UTP20: variants seen among roughly 807,000 people sequenced by gnomAD.
UTP20 encodes UTP20 small subunit processome component.
A neutral mutation model predicts 329.5 loss-of-function variants in UTP20; 164 were observed. That is an observed-to-expected ratio of 0.50 (90% CI 0.44 to 0.57). UTP20 has a LOEUF of 0.57. Among genes scored for constraint, UTP20 ranks in the 20% least tolerant of loss-of-function variants. The pLI is 0.00. For missense variants in UTP20, 3,055 were observed against 3,284.2 expected (o/e 0.93, Z 1.71); for synonymous variants, 1,151 against 1,159.3 (o/e 0.99, Z 0.14).
At chr12:101,287,327 A>C (rs1240739816) in intron 5 of UTP20, among the ~76,000 whole-genome samples, 1 of 152,242 alleles carries the variant, frequency 6.6e-6, no homozygotes, top group Non-Finnish European at 1.5e-5. Flanking sequence ...TTTTGGTCAA[A>C]TATGTTAGAA....
intron 42 of UTP20, 56 bp downstream of exon 42, chr12:101,356,749 T>C: frequency 6.4e-7 from 1 of 1,565,638 alleles, no homozygotes; most frequent in Non-Finnish European, 8.6e-7. Flanking sequence ...GTTCTTTTCT[T>C]CCTTACTTTT....
At position 101,312,088 on chromosome 12, in the gene UTP20, T is replaced by G; in HGVS notation, c.2364T>G (p.Ser788Arg). The change falls in exon 21 of 62, where the codon AGT becomes AGG. Residue 788 changes from serine (S) to arginine (R), a missense_variant. By Grantham distance (110) the Ser-to-Arg change is moderately radical (BLOSUM62 -1). Coordinates refer to ENST00000261637, the MANE Select transcript of UTP20 (RefSeq NM_014503.3). ...ATGAGAAGTCCGTTGGAGATGAAAG[T>G]TGGGAGCAGACCCAGGAAGGAGATG... ...MTDEKSVGDE[S>R]WEQTQEGDVG... is the part of the protein sequence containing the mutation. The G allele has an allele frequency of 6.2e-7, 1 of 1,614,196 alleles. No homozygotes were observed. The highest frequency in any genetic ancestry group is 8.5e-7 in the Non-Finnish European group (1 of 1,180,018).
At chr12:101,356,124 TTTTC>T (rs1869712932) in intron 41 of UTP20, among the ~76,000 whole-genome samples, 1 of 152,218 alleles carries the variant, frequency 6.6e-6, no homozygotes, top group Non-Finnish European at 1.5e-5. Flanking sequence ...GCTGTTTTTC[TTTTC>T]TTTCTTTTTC....
Position 101,342,938 on chromosome 12 carries a change from T to C in UTP20, c.4297-3T>C, listed in dbSNP as rs773771458. 10 of 1,611,338 alleles carry C rather than the reference T, an allele frequency of 6.2e-6. No individual in the cohort carries two copies. The South Asian group carries it at 8.9e-5, about 14-fold the overall frequency. On this transcript the variant is annotated splice_region_variant and splice_polypyrimidine_tract_variant and intron_variant, in intron 34 of 61. Coordinates refer to ENST00000261637, the MANE Select transcript of UTP20 (RefSeq NM_014503.3). ...TATATAACTTCAATGGCATTTCTTA[T>C]AGCTTAACGCCTTCGATCAAAGACA...
chr12:101,320,945 A>T lies in UTP20; in HGVS notation c.2915+8A>T. 6.3e-7 allele frequency: 1 copy of T among 1,598,630 alleles called. No individual in the cohort carries two copies. Among genetic ancestry groups the T allele is most frequent in the Non-Finnish European group, 8.5e-7 (1 of 1,175,046 alleles). On this transcript the variant is annotated splice_region_variant and intron_variant, in intron 24 of 61. Transcript: ENST00000261637. ...TCATGTCCTCCCTTACAGGTAAGTT[A>T]CTTGAAGCTTAAAGAACTGTTATTT... is the stretch of plus-strand genomic sequence containing the variant.
At chr12:101,382,018 C>A (rs868132977) in intron 58 of UTP20, among the ~76,000 whole-genome samples, 870 of 107,176 alleles carry the variant, frequency 8.1e-3, no homozygotes, top group East Asian at 9.5e-3. Context: ...GACTCTGTAT[C>A]AAAAAAAAAA....
At chr12:101,307,179 A>G (rs1191403309) in intron 17 of UTP20, among the ~76,000 whole-genome samples, 1 of 145,770 alleles carries the variant, frequency 6.9e-6, no homozygotes, top group Non-Finnish European at 1.5e-5. Flanking sequence ...CTCCGTCTCA[A>G]AAAAAAAAAA....
chr12:101,354,757 G>A, intron 40 of UTP20, 75 bp from the exon 41 acceptor site: 1 of 1,494,406 alleles, frequency 6.7e-7, no homozygotes, highest in Non-Finnish European at 9.0e-7. Flanking sequence ...GGACGTTGGT[G>A]GGAAAAACTG....
intron 21 of UTP20, 99 bp from the exon 22 acceptor site, chr12:101,317,379 G>A (rs1873004829): frequency 1.5e-6 from 2 of 1,313,840 alleles, no homozygotes; most frequent in Middle Eastern, 1.9e-4. Flanking sequence ...TTCAGTGTGT[G>A]ATTCTGTGAA....
At chr12:101,371,206 G>T in intron 51 of UTP20, 38 bp downstream of exon 51, 3 of 1,452,502 alleles carry the variant, frequency 2.1e-6, no homozygotes, top group Non-Finnish European at 2.8e-6. Context: ...CAAGGGCTGG[G>T]CCCTGCCGCA....
intron 10 of UTP20, among the ~76,000 whole-genome samples, 181 bp downstream of exon 10, chr12:101,292,285 T>C (rs1872184172): frequency 6.6e-6 from 1 of 152,156 alleles, no homozygotes; most frequent in South Asian, 2.1e-4. Context: ...TGATAAAAGC[T>C]TAATTTATAT....
At chr12:101,300,494 G>T (rs1237010628) in intron 14 of UTP20, among the ~76,000 whole-genome samples, 1 of 152,046 alleles carries the variant, frequency 6.6e-6, no homozygotes, top group Non-Finnish European at 1.5e-5. Context: ...GACCCTTCTA[G>T]GTCTTTGTCA....
chr12:101,283,560 G>C (rs559685821), intron 2 of UTP20, among the ~76,000 whole-genome samples: 10 of 152,146 alleles, frequency 6.6e-5, no homozygotes, highest in Non-Finnish European at 1.3e-4. Flanking sequence ...ACGTGACATG[G>C]TCTCTCACAC....
intron 25 of UTP20, among the ~76,000 whole-genome samples, chr12:101,323,632 T>A (rs182246296): frequency 1.4e-3 from 213 of 152,344 alleles, no homozygotes; most frequent in African/African-American, 5.0e-3. Context: ...TATTTTCTCA[T>A]GAAATTTTTT....
Position 101,286,316 on chromosome 12 carries a change from T to C in UTP20, c.327-5T>C. The C allele has an allele frequency of 6.4e-7, 1 of 1,563,756 alleles. No individual in the cohort carries two copies. On this transcript the variant is annotated splice_polypyrimidine_tract_variant and splice_region_variant and intron_variant, in intron 4 of 61. Coordinates refer to ENST00000261637, the MANE Select transcript of UTP20 (RefSeq NM_014503.3). ...CATGATCAGTTGCTTCTTTTTTTAA[T>C]CCAGTTTGGTTGTACAGTTGGCACG...
chr12:101,370,074 G>T (rs1356907830), intron 49 of UTP20, among the ~76,000 whole-genome samples, 183 bp downstream of exon 49: 16 of 149,662 alleles, frequency 1.1e-4, no homozygotes, highest in East Asian at 2.0e-4. Context: ...AAAAAAATTA[G>T]CTGGGCATGG....
chr12:101,355,165 T>C (rs754321539), intron 41 of UTP20, 47 bp downstream of exon 41: 3 of 1,576,292 alleles, frequency 1.9e-6, no homozygotes, highest in South Asian at 1.2e-5. Context: ...AATTCTGGTG[T>C]TGGTGGAGCC....
At chr12:101,311,010 T>C (rs1481974042) in intron 19 of UTP20, among the ~76,000 whole-genome samples, 1 of 152,236 alleles carries the variant, frequency 6.6e-6, no homozygotes, top group Non-Finnish European at 1.5e-5. Context: ...AATTACTGAA[T>C]GCCATGAGGC....
rs901179924 is a variant in UTP20 at position 101,364,178 on chromosome 12, G to A, written c.5958+435G>A. The stretch of plus-strand genomic sequence containing the variant: ...TTCCAGCAATTTGGAAAGCCAAGGC[G>A]GGAGGAATTGCTTGAGCCCAGGAGT... On this transcript the variant is annotated intron_variant, in intron 45 of 61. Transcript: ENST00000261637. Among the ~76,000 whole-genome samples the A allele has an allele frequency of 2.0e-5, 3 of 152,112 alleles. No homozygotes were observed. The South Asian group carries it at 6.2e-4, about 32-fold the overall frequency.
Sources: gnomAD v4.1 joint callset for allele counts (sites outside exome capture counted in the v4.1 genomes callset) on GRCh38, gnomAD v4.1.1 for gene constraint, MANE v1.5 for transcripts, NCBI Gene and HGNC (gene_info 2026-07-23, HGNC 2026-07-21) for gene names.